PIEZO1: variants seen among roughly 807,000 people sequenced by gnomAD.
PIEZO1 encodes piezo-type mechanosensitive ion channel component 1.
In PIEZO1, 296 loss-of-function variants were observed where a neutral mutation model predicts 297.2. The observed-to-expected ratio is 1.00, with a 90% confidence interval of 0.91 to 1.10. The LOEUF is 1.10. Ranked by LOEUF, PIEZO1 falls within the 50% of genes least tolerant of loss-of-function variation. The probability of loss-of-function intolerance (pLI) is 0.00; values close to 1 mark genes in which losing one functional copy is unlikely to be tolerated. For synonymous variants in PIEZO1, 2,427 were observed against 1,507.5 expected (o/e 1.61, Z -14.13); for missense variants, 5,018 against 3,455.5 (o/e 1.45, Z -11.34).
intron 42 of PIEZO1, 22 bp from the exon 43 acceptor site, chr16:88,719,982 A>G (rs1438167451): frequency 1.3e-6 from 2 of 1,549,708 alleles, no homozygotes; most frequent in African/African-American, 2.7e-5. Context: ...TGGCCAGGTC[A>G]AGGACCCCAT....
chr16:88,733,169 ATCT>A, intron 19 of PIEZO1, 106 bp downstream of exon 19: 1 of 1,032,546 alleles, frequency 9.7e-7, no homozygotes, highest in Non-Finnish European at 1.4e-6. Context: ...AGAGTCCTCC[ATCT>A]CCATTGCTGG....
In PIEZO1 at chr16:88,736,442, C is replaced by T. The variant is rs915870217; in HGVS notation, c.1297-34G>A. 8.6e-6 allele frequency: 13 copies of T among 1,512,852 alleles called. No homozygotes were observed. The African/African-American group carries it at 1.1e-4, about 13-fold the overall frequency. 93.7% of individuals were successfully genotyped at this position (1,512,852 alleles called of 1,614,324 possible). On this transcript the variant is annotated intron_variant, in intron 11 of 50. Transcript: ENST00000301015. The stretch of plus-strand genomic sequence containing the variant: ...CAGAGAGGGCTGCACAGCTGCCCAG[C>T]GCACCCCACCCAGGCGATGCCCCAC...
In PIEZO1 at chr16:88,746,409, G is replaced by A. The variant is rs182805041; in HGVS notation, c.160+2975C>T. On this transcript the variant is annotated intron_variant, in intron 2 of 50. Transcript: ENST00000301015. ...CAGGTCTCTGGGAGCCACCCCCTGT[G>A]GCTCTGCCTGCAGCCCTGCCTGGAG... 4.0e-4 allele frequency among the ~76,000 whole-genome samples: 61 copies of A among 152,276 alleles called. 1 individual carries two copies. The highest frequency in any genetic ancestry group is 1.8e-3 in the Admixed American group (28 of 15,298).
At chr16:88,775,040 G>A (rs1010724322) in intron 1 of PIEZO1, among the ~76,000 whole-genome samples, 5 of 152,336 alleles carry the variant, frequency 3.3e-5, no homozygotes, top group South Asian at 2.1e-4. Context: ...AGACACCCAG[G>A]GAGGCCCCGG....
At chr16:88,783,589 T>G (rs934942260) in intron 1 of PIEZO1, among the ~76,000 whole-genome samples, 1 of 152,120 alleles carries the variant, frequency 6.6e-6, no homozygotes, top group Admixed American at 6.6e-5. Context: ...CAGGCTGTCC[T>G]GCTTGTTTTC....
chr16:88,736,605 G>A, intron 11 of PIEZO1, 34 bp downstream of exon 11: 4 of 1,508,422 alleles, frequency 2.7e-6, no homozygotes, highest in Non-Finnish European at 3.5e-6. Context: ...CGCGGCAGAG[G>A]GGGCCGCCCA....
intron 44 of PIEZO1, 132 bp from the exon 45 acceptor site, chr16:88,717,343 G>C (rs1347555557): frequency 1.4e-6 from 1 of 735,528 alleles, no homozygotes; most frequent in East Asian, 2.7e-5. Flanking sequence ...GGTAGTAATG[G>C]TGGGCAGACA....
chr16:88,723,797 C>A (rs1597447216), intron 31 of PIEZO1, 74 bp downstream of exon 31: 1 of 801,638 alleles, frequency 1.2e-6, no homozygotes, highest in Non-Finnish European at 2.1e-6. Context: ...GCATCTGACA[C>A]CCTCTATGCT....
intron 27 of PIEZO1, 88 bp downstream of exon 27, chr16:88,726,196 G>T: frequency 8.6e-7 from 1 of 1,159,394 alleles, no homozygotes; most frequent in Non-Finnish European, 1.2e-6. Flanking sequence ...CCCTCCACGG[G>T]CCGGGGCCTG....
At chr16:88,770,711 C>G (rs944040427) in intron 1 of PIEZO1, among the ~76,000 whole-genome samples, 2 of 152,230 alleles carry the variant, frequency 1.3e-5, no homozygotes, top group Non-Finnish European at 2.9e-5. Context: ...GGCTGGCAGC[C>G]CAGCCGCACC....
chr16:88,746,774 G>A (rs1171503994), intron 2 of PIEZO1, among the ~76,000 whole-genome samples: 1 of 152,214 alleles, frequency 6.6e-6, no homozygotes, highest in African/African-American at 2.4e-5. Context: ...CCCCTGGCCT[G>A]GCTGGGCGCC....
At chr16:88,742,150 C>A in intron 3 of PIEZO1, 55 bp from the exon 4 acceptor site, 1 of 1,528,760 alleles carries the variant, frequency 6.5e-7, no homozygotes, top group Non-Finnish European at 8.8e-7. Flanking sequence ...AGCACCGTGG[C>A]CTGGTCATCC....
chr16:88,727,727 AC>A (rs1298786450), intron 22 of PIEZO1, 66 bp from the exon 23 acceptor site: 2 of 710,184 alleles, frequency 2.8e-6, no homozygotes, highest in East Asian at 6.1e-5. Context: ...CCCGGTCCCC[AC>A]CCGTTGACCC....
At chr16:88,773,397 G>T (rs527421958) in intron 1 of PIEZO1, among the ~76,000 whole-genome samples, 1 of 152,388 alleles carries the variant, frequency 6.6e-6, no homozygotes, top group South Asian at 2.1e-4. Context: ...CGAGACCAGA[G>T]GTGGCTGGGG....
chr16:88,730,181 G>T (rs1005105391), intron 22 of PIEZO1, among the ~76,000 whole-genome samples: 10 of 152,266 alleles, frequency 6.6e-5, no homozygotes, highest in Non-Finnish European at 2.9e-5. Flanking sequence ...CCAGCGCCCA[G>T]ACCCCGGGCT....
chr16:88,722,725 A>G, intron 34 of PIEZO1, 36 bp from the exon 35 acceptor site: 1 of 1,531,390 alleles, frequency 6.5e-7, no homozygotes, highest in East Asian at 2.5e-5. Context: ...GGCTGCGTCC[A>G]GCTCTTGTCC....
In PIEZO1 at chr16:88,716,549, C is replaced by G; in HGVS notation, c.6926+10G>C. 1 of 1,540,088 alleles carries G rather than the reference C, an allele frequency of 6.5e-7. No individual in the cohort carries two copies. The highest frequency in any genetic ancestry group is 8.8e-7 in the Non-Finnish European group (1 of 1,140,278). ...ACCCACCCAGGCACTGCCCCAAGTCCAGGACGAACCTCTGGAAGTTCCAGG... is the reference window on the plus strand; with the variant it reads ...ACCCACCCAGGCACTGCCCCAAGTCGAGGACGAACCTCTGGAAGTTCCAGG... On this transcript the variant is annotated intron_variant, in intron 47 of 50. Transcript: ENST00000301015.
At chr16:88,777,119 C>G (rs549230667) in intron 1 of PIEZO1, among the ~76,000 whole-genome samples, 16 of 152,340 alleles carry the variant, frequency 1.1e-4, no homozygotes, top group African/African-American at 3.6e-4. Context: ...ATTACAGATG[C>G]CTGTCACCAT....
chr16:88,746,457 C>T (rs907120044), intron 2 of PIEZO1, among the ~76,000 whole-genome samples: 3 of 152,130 alleles, frequency 2.0e-5, no homozygotes, highest in Admixed American at 1.3e-4. Context: ...TTCCCTCTGC[C>T]CCAGCCCCAG....
Sources: gnomAD v4.1 joint callset for allele counts (sites outside exome capture counted in the v4.1 genomes callset) on GRCh38, gnomAD v4.1.1 for gene constraint, MANE v1.5 for transcripts, NCBI Gene and HGNC (gene_info 2026-07-23, HGNC 2026-07-21) for gene names.